Variants in KIF21A observed in about 807,000 individuals in gnomAD.
KIF21A encodes the protein kinesin-like protein KIF21A.
Under a neutral mutation model 202.9 loss-of-function variants are expected in KIF21A, and 114 were observed. The ratio of observed to expected loss-of-function variants is 0.56; its 90% confidence interval spans 0.48 to 0.66. The LOEUF (loss-of-function observed/expected upper bound fraction) is 0.66. KIF21A is among the 30% of genes least tolerant of loss of function. The pLI is 0.00. For missense variants in KIF21A, 1,677 were observed against 1,994.9 expected (o/e 0.84, Z 3.04); for synonymous variants, 667 against 670.8 (o/e 0.99, Z 0.09).
intron 1 of KIF21A, among the ~76,000 whole-genome samples, chr12:39,383,088 G>A (rs1950720420): frequency 6.6e-6 from 1 of 152,182 alleles, no homozygotes; most frequent in African/African-American, 2.4e-5. Context: ...TAGGAAAGCT[G>A]GCTTGCTCTT....
At chr12:39,324,403 A>G (rs923833879) in intron 26 of KIF21A, among the ~76,000 whole-genome samples, 1 of 152,198 alleles carries the variant, frequency 6.6e-6, no homozygotes, top group Non-Finnish European at 1.5e-5. Context: ...GATCAAATTT[A>G]TCTTAAGAGA....
chr12:39,387,660 T>C, intron 1 of KIF21A, among the ~76,000 whole-genome samples: 1 of 152,158 alleles, frequency 6.6e-6, no homozygotes, highest in East Asian at 1.9e-4. Context: ...GTATCCACTG[T>C]ATATTGGATC....
chr12:39,344,113 C>T (rs1389781784), intron 12 of KIF21A, among the ~76,000 whole-genome samples: 1 of 151,980 alleles, frequency 6.6e-6, no homozygotes, highest in Non-Finnish European at 1.5e-5. Flanking sequence ...GAAAAATGTG[C>T]TTGAAGAAAA....
chr12:39,342,425 A>G (rs1947519936), intron 12 of KIF21A, among the ~76,000 whole-genome samples: 1 of 152,196 alleles, frequency 6.6e-6, no homozygotes. Flanking sequence ...GTAGCAGCCA[A>G]TTAACTAGAA....
At position 39,377,645 on chromosome 12, in the gene KIF21A, A is replaced by T. The variant is rs374273073; in HGVS notation, c.45-7384T>A. Among the ~76,000 whole-genome samples the T allele has an allele frequency of 8.1e-4, 123 of 152,308 alleles. No individual in the cohort carries two copies. In the South Asian group the frequency reaches 0.02, roughly 25 times the overall value. ...AAAGAAATTCCTCTCCCTAAAATGG[A>T]TCTTTAATTACAATGATGGGTGATG... On this transcript the variant is annotated intron_variant, in intron 1 of 37. Coordinates refer to ENST00000361418, the MANE Select transcript of KIF21A (RefSeq NM_001173464.2).
At chr12:39,350,431 CAAATGACCTAGACCT>C (rs1039999055) in intron 11 of KIF21A, among the ~76,000 whole-genome samples, 26 of 151,944 alleles carry the variant, frequency 1.7e-4, no homozygotes, top group African/African-American at 6.3e-4. Context: ...TTTATGAATA[CAAATGACCTAGACCT>C]TTAAAAACAA....
chr12:39,330,708 C>T (rs2138075021), intron 23 of KIF21A, 38 bp downstream of exon 23: 1 of 1,597,860 alleles, frequency 6.3e-7, no homozygotes. Context: ...GCAAAGCTAC[C>T]ATGCAAATTC....
intron 1 of KIF21A, among the ~76,000 whole-genome samples, chr12:39,381,130 C>G (rs954800725): frequency 2.6e-5 from 4 of 151,658 alleles, no homozygotes; most frequent in Admixed American, 2.6e-4. Flanking sequence ...ACAGTGAAAC[C>G]CCGTCTCTAC....
intron 1 of KIF21A, among the ~76,000 whole-genome samples, chr12:39,409,644 C>T (rs1311012502): frequency 1.3e-5 from 2 of 151,932 alleles, no homozygotes; most frequent in Non-Finnish European, 2.9e-5. Context: ...AATGGCCATG[C>T]CCTGATACCT....
chr12:39,382,243 G>T (rs1024497358), intron 1 of KIF21A, among the ~76,000 whole-genome samples: 8 of 152,098 alleles, frequency 5.3e-5, no homozygotes, highest in African/African-American at 1.9e-4. Flanking sequence ...AAACACAGAA[G>T]ATTCAGCTCT....
At chr12:39,310,114 C>T (rs1943882264) in intron 32 of KIF21A, among the ~76,000 whole-genome samples, 1 of 152,078 alleles carries the variant, frequency 6.6e-6, no homozygotes, top group Non-Finnish European at 1.5e-5. Flanking sequence ...ACATTCTTCT[C>T]TGATCATATT....
At chr12:39,348,777 C>G (rs2138603095) in intron 11 of KIF21A, among the ~76,000 whole-genome samples, 1 of 150,078 alleles carries the variant, frequency 6.7e-6, no homozygotes, top group East Asian at 2.0e-4. Flanking sequence ...ACAGCCACAA[C>G]AAGATAAAAA....
intron 1 of KIF21A, among the ~76,000 whole-genome samples, chr12:39,397,437 C>A (rs545411096): frequency 1.8e-4 from 28 of 151,698 alleles, no homozygotes; most frequent in African/African-American, 6.3e-4. Flanking sequence ...ATCCAAACCA[C>A]CCCCCATAGA....
chr12:39,379,391 T>A (rs189509512), intron 1 of KIF21A, among the ~76,000 whole-genome samples: 1 of 151,506 alleles, frequency 6.6e-6, no homozygotes, highest in South Asian at 2.1e-4. Context: ...CACCACCTAA[T>A]TAGGCATACC....
chr12:39,343,485 T>G (rs1247671748), intron 12 of KIF21A, among the ~76,000 whole-genome samples: 2 of 152,172 alleles, frequency 1.3e-5, no homozygotes, highest in Admixed American at 1.3e-4. Flanking sequence ...TCAGAATAGC[T>G]TAATAACAGC....
intron 34 of KIF21A, among the ~76,000 whole-genome samples, chr12:39,307,194 T>C (rs577426528): frequency 6.6e-6 from 1 of 152,222 alleles, no homozygotes; most frequent in African/African-American, 2.4e-5. Flanking sequence ...ATTTAAGATA[T>C]AAGATGTTTA....
At position 39,380,700 on chromosome 12, in the gene KIF21A, A is replaced by C. The variant is rs910025017; in HGVS notation, c.45-10439T>G. Among the ~76,000 whole-genome samples the C allele has an allele frequency of 8.8e-4, 134 of 152,298 alleles. 1 individual carries two copies. Among genetic ancestry groups the C allele is most frequent in the African/African-American group, 3.1e-3 (129 of 41,570 alleles). On this transcript the variant is annotated intron_variant, in intron 1 of 37. Coordinates refer to ENST00000361418, the MANE Select transcript of KIF21A (RefSeq NM_001173464.2). ...ACTGAGATTCCATCTTTTATAAAAA[A>C]GAAAAGAAAGAAGAAGGAAAGAAGG...
rs143876096 is a variant in KIF21A, at chr12:39,366,428, G to A, written c.825C>T (p.Leu275=). Residue 275 remains leucine (L), a synonymous_variant, in exon 6 of 38, where the codon CTC becomes CTT. Coordinates refer to ENST00000361418, the MANE Select transcript of KIF21A (RefSeq NM_001173464.2). ...TACGCTTCAGTCTTTCAGATCCTGC[G>A]AGATCAACAAAATGGAACTTTGCAG... ...TLTAKFHFVD[L]AGSERLKRTG... is the part of the protein sequence containing the mutation. 142 of 1,613,702 alleles carry A rather than the reference G, an allele frequency of 8.8e-5. No homozygotes were observed. Among genetic ancestry groups the A allele is most frequent in the Non-Finnish European group, 1.1e-4 (128 of 1,179,816 alleles).
At chr12:39,378,499 C>T (rs974533236) in intron 1 of KIF21A, among the ~76,000 whole-genome samples, 1 of 152,148 alleles carries the variant, frequency 6.6e-6, no homozygotes, top group Non-Finnish European at 1.5e-5. Context: ...AATAGAAAGC[C>T]TCTACTCCCA....
Sources: allele counts gnomAD v4.1 joint callset (sites outside exome capture counted in the v4.1 genomes callset), GRCh38; gene constraint gnomAD v4.1.1; transcripts MANE v1.5; gene names NCBI Gene and HGNC (gene_info 2026-07-23, HGNC 2026-07-21).